Variants in LMNTD1 observed in about 807,000 individuals in gnomAD.
LMNTD1 encodes lamin tail domain-containing protein 1.
Under a neutral mutation model 50.9 loss-of-function variants are expected in LMNTD1, and 35 were observed. The observed-to-expected ratio is 0.69, with a 90% CI of 0.53 to 0.91. The LOEUF (loss-of-function observed/expected upper bound fraction) is 0.91, where lower values mean the gene tolerates loss of function less well. Among genes scored for constraint, LMNTD1 ranks in the 40% least tolerant of loss-of-function variants. LMNTD1 has a pLI of 0.00. For synonymous variants in LMNTD1, 153 were observed against 161.9 expected (o/e 0.94, Z 0.42); for missense variants, 470 against 475.5 (o/e 0.99, Z 0.11).
intron 6 of LMNTD1, among the ~76,000 whole-genome samples, chr12:25,524,941 TAAG>T (rs1941600277): frequency 6.6e-6 from 1 of 152,176 alleles, no homozygotes; most frequent in South Asian, 2.1e-4. Flanking sequence ...AAATGGCTCT[TAAG>T]AAATTAGCCA....
At chr12:25,586,028 G>A (rs1165042704) in intron 1 of LMNTD1, 7 of 152,278 alleles carry the variant, frequency 4.6e-5, no homozygotes, top group Admixed American at 3.3e-4. Context: ...TTGAGTAGAA[G>A]GAAAAGGCCC....
chr12:25,548,524 T>C (rs1268730438), intron 3 of LMNTD1, among the ~76,000 whole-genome samples: 3 of 151,982 alleles, frequency 2.0e-5, no homozygotes, highest in Non-Finnish European at 4.4e-5. Flanking sequence ...GTAATTTTCA[T>C]AAATATTTAA....
intron 1 of LMNTD1, among the ~76,000 whole-genome samples, chr12:25,600,933 C>A (rs1565512627): frequency 6.6e-6 from 1 of 151,928 alleles, no homozygotes; most frequent in Non-Finnish European, 1.5e-5. Context: ...TATGACCTAG[C>A]AATCCCACTG....
intron 1 of LMNTD1, among the ~76,000 whole-genome samples, chr12:25,625,439 C>G (rs372942116): frequency 6.6e-6 from 1 of 152,090 alleles, no homozygotes; most frequent in Non-Finnish European, 1.5e-5. Context: ...TCACCATTGA[C>G]ACTCCAGCAA....
At chr12:25,590,446 C>G (rs1353730282) in intron 1 of LMNTD1, among the ~76,000 whole-genome samples, 1 of 152,154 alleles carries the variant, frequency 6.6e-6, no homozygotes, top group Non-Finnish European at 1.5e-5. Flanking sequence ...CTCTGGGGCC[C>G]TTAATAAACT....
intron 1 of LMNTD1, chr12:25,585,859 G>T (rs1592074625): frequency 6.6e-6 from 1 of 152,284 alleles, no homozygotes; most frequent in East Asian, 1.9e-4. Flanking sequence ...GTGAATCCAA[G>T]AATTCTATAG....
chr12:25,573,807 C>A (rs1013626899), intron 1 of LMNTD1, among the ~76,000 whole-genome samples: 4 of 152,116 alleles, frequency 2.6e-5, no homozygotes. Context: ...ATGAGTTAAT[C>A]TTCACCTACC....
At chr12:25,636,815 G>A (rs576991565) in intron 1 of LMNTD1, among the ~76,000 whole-genome samples, 2 of 152,190 alleles carry the variant, frequency 1.3e-5, no homozygotes, top group African/African-American at 4.8e-5. Context: ...TAAAAAGGAA[G>A]GAATTAACAG....
At chr12:25,514,685 T>C (rs1940620950) in intron 8 of LMNTD1, among the ~76,000 whole-genome samples, 1 of 152,140 alleles carries the variant, frequency 6.6e-6, no homozygotes, top group Non-Finnish European at 1.5e-5. Context: ...TGTTTGTAAC[T>C]CAGAGGATAA....
At chr12:25,592,409 A>C (rs1945727388) in intron 1 of LMNTD1, 1 of 152,212 alleles carries the variant, frequency 6.6e-6, no homozygotes, top group Non-Finnish European at 1.5e-5. Context: ...CAAACTTTGG[A>C]AGTGGGAAAG....
chr12:25,576,694 C>T (rs1017333314), intron 1 of LMNTD1, among the ~76,000 whole-genome samples: 18 of 152,040 alleles, frequency 1.2e-4, no homozygotes, highest in African/African-American at 1.9e-4. Flanking sequence ...CTCTTTAGTT[C>T]AATTAGATCC....
chr12:25,614,039 G>A (rs896845010), intron 1 of LMNTD1, among the ~76,000 whole-genome samples: 4 of 151,010 alleles, frequency 2.6e-5, no homozygotes, highest in African/African-American at 9.7e-5. Flanking sequence ...AAATGAAGGA[G>A]AATGATTATT....
intron 1 of LMNTD1, among the ~76,000 whole-genome samples, chr12:25,591,391 G>T (rs915862885): frequency 6.6e-6 from 1 of 152,202 alleles, no homozygotes; most frequent in South Asian, 2.1e-4. Context: ...GGCCTGTGGT[G>T]GTGGTGGCCA....
chr12:25,546,638 T>C (rs1943453999), intron 3 of LMNTD1, 84 bp from the exon 4 acceptor site: 1 of 729,836 alleles, frequency 1.4e-6, no homozygotes, highest in Non-Finnish European at 2.0e-6. Context: ...TTATCTTTAT[T>C]CTCTGCTTCT....
At chr12:25,492,031 TAG>T (rs1427047051) in intron 9 of LMNTD1, among the ~76,000 whole-genome samples, 2 of 152,168 alleles carry the variant, frequency 1.3e-5, no homozygotes, top group African/African-American at 4.8e-5. Context: ...TAGCAAACAT[TAG>T]AGTTTACTTT....
intron 4 of LMNTD1, among the ~76,000 whole-genome samples, chr12:25,532,532 G>A (rs1314625010): frequency 1.3e-5 from 2 of 152,096 alleles, no homozygotes; most frequent in Admixed American, 6.6e-5. Context: ...GAGAAAAGTG[G>A]CTCTAAATGT....
At chr12:25,622,875 A>G (rs1006177184) in intron 1 of LMNTD1, among the ~76,000 whole-genome samples, 1 of 138,162 alleles carries the variant, frequency 7.2e-6, no homozygotes, top group Admixed American at 7.0e-5. Flanking sequence ...CTGAATTCAT[A>G]AGACATTTTG....
chr12:25,529,116 A>G (rs911861886), intron 4 of LMNTD1, among the ~76,000 whole-genome samples: 4 of 150,568 alleles, frequency 2.7e-5, no homozygotes, highest in African/African-American at 9.8e-5. Context: ...CTTTTTGGAA[A>G]CTCTTCCCTT....
At chr12:25,600,705 C>T (rs879907183) in intron 1 of LMNTD1, among the ~76,000 whole-genome samples, 2 of 152,034 alleles carry the variant, frequency 1.3e-5, no homozygotes, top group African/African-American at 2.4e-5. Flanking sequence ...AGGTGCTCAA[C>T]ATCATTGCTC....
Sources: gnomAD v4.1 joint callset for allele counts (sites outside exome capture counted in the v4.1 genomes callset) on GRCh38, gnomAD v4.1.1 for gene constraint, MANE v1.5 for transcripts, NCBI Gene and HGNC (gene_info 2026-07-23, HGNC 2026-07-21) for gene names.